MTO1: variants seen among roughly 807,000 people sequenced by gnomAD.
The protein encoded by MTO1 is 5-taurinomethyluridine-[tRNA] synthase subunit MTO1, mitochondrial.
MTO1 carries 46 observed loss-of-function variants against 71.6 expected under a neutral mutation model. The ratio of observed to expected loss-of-function variants is 0.64; its 90% CI spans 0.51 to 0.82. MTO1 has a LOEUF of 0.82. MTO1 is among the 40% of genes least tolerant of loss of function. The probability of loss-of-function intolerance (pLI) is 0.00; values close to 1 mark genes in which losing one functional copy is unlikely to be tolerated. For synonymous variants in MTO1, 297 were observed against 312.1 expected, an observed-to-expected ratio of 0.95 and a Z score of 0.51; for missense variants, 773 against 867.5, an observed-to-expected ratio of 0.89 and a Z score of 1.37.
intron 9 of MTO1, among the ~76,000 whole-genome samples, chr6:73,484,022 A>G (rs143854122): frequency 0.011 from 1,597 of 151,966 alleles, 25 homozygotes; most frequent in African/African-American, 0.036. Flanking sequence ...TAAGTGATCC[A>G]CCTGCCTTGG....
rs568735774 is a variant in MTO1, at chr6:73,499,079, A to AT, written c.1917+1193dup. Among the ~76,000 whole-genome samples the AT allele has an allele frequency of 3.4e-4, 50 of 148,964 alleles. No homozygotes were observed. The East Asian group carries it at 5.1e-3, about 15-fold the overall frequency. ...GATGGTGTGTCACAGTTTAATGGACATTTTTTTTTTAGTAGTGTTTCATAA... is the reference window on the plus strand; with the variant it reads ...GATGGTGTGTCACAGTTTAATGGACATTTTTTTTTTTAGTAGTGTTTCATAA... On this transcript the variant is annotated intron_variant, in intron 11 of 11. Coordinates refer to ENST00000498286, the MANE Select transcript of MTO1 (RefSeq NM_012123.4).
rs547100392 is a variant in MTO1 at position 73,462,271 on chromosome 6, A to G, written c.217+200A>G. On this transcript the variant is annotated intron_variant, in intron 1 of 11. Coordinates refer to ENST00000498286, the MANE Select transcript of MTO1 (RefSeq NM_012123.4). ...TCTATATTAGTCTATTCTGCGAACC[A>G]TAGATTATGCTGCTGCTGACAGTCG... The G allele has an allele frequency of 1.0e-4, 63 of 615,972 alleles. No individual in the cohort carries two copies. The East Asian group carries it at 1.8e-3, about 17-fold the overall frequency. The allele number at this position is 615,972 out of a possible 1,614,324, so 38.2% of individuals were successfully genotyped here.
Position 73,468,355 on chromosome 6 carries a change from G to A in MTO1, c.535+1749G>A, listed in dbSNP as rs1238244866. Among the ~76,000 whole-genome samples, 4 of 152,096 alleles carry A rather than the reference G, an allele frequency of 2.6e-5. No individual in the cohort carries two copies. In the East Asian group the frequency reaches 7.7e-4, roughly 29 times the overall value. ...GCTGGTCTTGAACTCCTGACCTCAA[G>A]CGATCCGCCCACCTCAGCGTCTGAA... On this transcript the variant is annotated intron_variant, in intron 3 of 11. Coordinates refer to ENST00000498286, the MANE Select transcript of MTO1 (RefSeq NM_012123.4).
chr6:73,491,297 T>C (rs1483690418), intron 9 of MTO1, among the ~76,000 whole-genome samples: 1 of 149,560 alleles, frequency 6.7e-6, no homozygotes, highest in Non-Finnish European at 1.5e-5. Context: ...AGAATATTTA[T>C]GAACCAGCCG....
intron 3 of MTO1, among the ~76,000 whole-genome samples, chr6:73,467,208 A>G (rs1381439414): frequency 3.3e-5 from 5 of 152,160 alleles, no homozygotes; most frequent in East Asian, 3.9e-4. Context: ...CAGCTACTCA[A>G]TAAGCTGAAG....
Position 73,501,792 on chromosome 6 carries a change from A to G in MTO1, c.*1057A>G, listed in dbSNP as rs951850031. On this transcript the variant is annotated 3_prime_UTR_variant, in exon 12 of 12. Transcript: ENST00000498286. ...GAAGCTCCCGTGTCACCTTCGGGCC[A>G]AAGCAGGTACTCAGGAGAGTTCTAA... The G allele has an allele frequency of 1.3e-5, 2 of 152,218 alleles. No individual in the cohort carries two copies. The highest frequency in any genetic ancestry group is 4.8e-5 in the African/African-American group (2 of 41,440). 9.4% of individuals were successfully genotyped at this position (152,218 alleles called of 1,614,324 possible).
chr6:73,487,432 C>A (rs779422557), intron 9 of MTO1, among the ~76,000 whole-genome samples: 1 of 151,632 alleles, frequency 6.6e-6, no homozygotes, highest in Non-Finnish European at 1.5e-5. Flanking sequence ...CCACCTGCCT[C>A]GGCCTCCCAA....
At chr6:73,466,695 G>C in intron 3 of MTO1, 89 bp downstream of exon 3, 1 of 1,138,228 alleles carries the variant, frequency 8.8e-7, no homozygotes, top group South Asian at 1.3e-5. Flanking sequence ...GAGATATGTT[G>C]CTTATTCAAG....
intron 3 of MTO1, chr6:73,471,588 ATT>A: frequency 3.3e-6 from 1 of 306,812 alleles, no homozygotes; most frequent in Non-Finnish European, 6.3e-6. Context: ...CTAATTTATT[ATT>A]TTTTTTTGTA....
At position 73,480,334 on chromosome 6, in the gene MTO1, G is replaced by A. The variant is rs1229490840; in HGVS notation, c.1129+208G>A. ...GTTGCCCAGGATGGAGTGCAATGGT[G>A]CGATCTCGGCTCACCACAACCTCCC... On this transcript the variant is annotated intron_variant, in intron 6 of 11. Transcript: ENST00000498286. 3 of 703,690 alleles carry A rather than the reference G, an allele frequency of 4.3e-6. No individual in the cohort carries two copies. In the African/African-American group the frequency reaches 5.3e-5, roughly 12 times the overall value. 43.6% of individuals were successfully genotyped at this position (703,690 alleles called of 1,614,324 possible).
chr6:73,501,110 G>GT lies in MTO1; in HGVS notation c.*377dup. The GT allele has an allele frequency of 6.4e-6, 1 of 156,290 alleles. No homozygotes were observed. The highest frequency in any genetic ancestry group is 1.4e-5 in the Non-Finnish European group (1 of 70,966). The allele number at this position is 156,290 out of a possible 1,614,324, so 9.7% of individuals were successfully genotyped here. Reference sequence around the variant, plus strand: ...TCTTATCATTCAGCGTGTTTTGAGAGTTAATAATCTTTTGCTTGGTTATAC... The same window carrying GT: ...TCTTATCATTCAGCGTGTTTTGAGAGTTTAATAATCTTTTGCTTGGTTATAC... On this transcript the variant is annotated 3_prime_UTR_variant, in exon 12 of 12. Coordinates refer to ENST00000498286, the MANE Select transcript of MTO1 (RefSeq NM_012123.4).
chr6:73,474,824 C>A (rs1289582728), intron 4 of MTO1, among the ~76,000 whole-genome samples: 1 of 151,170 alleles, frequency 6.6e-6, no homozygotes, highest in Non-Finnish European at 1.5e-5. Flanking sequence ...GGCGCAATCT[C>A]GGCTTACTGC....
chr6:73,475,389 T>G (rs954280751), intron 4 of MTO1, among the ~76,000 whole-genome samples: 1 of 152,004 alleles, frequency 6.6e-6, no homozygotes, highest in Non-Finnish European at 1.5e-5. Flanking sequence ...TTCAAGCAAT[T>G]CTCCTGCCTC....
chr6:73,472,894 G>C (rs182478700), intron 3 of MTO1, among the ~76,000 whole-genome samples: 1 of 152,232 alleles, frequency 6.6e-6, no homozygotes, highest in East Asian at 1.9e-4. Flanking sequence ...TATTAAAAAA[G>C]ATTCTCAAGT....
At chr6:73,467,984 C>A (rs1294661181) in intron 3 of MTO1, among the ~76,000 whole-genome samples, 1 of 151,800 alleles carries the variant, frequency 6.6e-6, no homozygotes, top group Non-Finnish European at 1.5e-5. Context: ...CCATGCCCAG[C>A]TAATTTTTGT....
chr6:73,466,720 T>G, intron 3 of MTO1, 114 bp downstream of exon 3: 1 of 860,552 alleles, frequency 1.2e-6, no homozygotes, highest in Non-Finnish European at 1.9e-6. Flanking sequence ...TTGTTGCATT[T>G]TCTCTACCTG....
chr6:73,492,995 T>TGTGTGTGTGTGTGTGTGTA (rs540252865), intron 10 of MTO1, among the ~76,000 whole-genome samples: 9 of 73,308 alleles, frequency 1.2e-4, no homozygotes, highest in African/African-American at 4.3e-4. Flanking sequence ...TGTGTGTGTA[T>TGTGTGTGTGTGTGTGTGTA]TTTTTTTTTT....
chr6:73,482,381 C>T lies in MTO1; in HGVS notation c.1466-68C>T, dbSNP rs190000320. The T allele has an allele frequency of 5.6e-4, 859 of 1,545,382 alleles. 7 individuals carry two copies. In the African/African-American group the frequency reaches 9.2e-3, roughly 17 times the overall value. On this transcript the variant is annotated intron_variant, in intron 8 of 11. Transcript: ENST00000498286. Reference sequence around the variant, plus strand: ...CTAGCCTGGGCAACATAGTGAGACACTGTCTCTACAAAAAAATTTGCTTTA... The same window carrying T: ...CTAGCCTGGGCAACATAGTGAGACATTGTCTCTACAAAAAAATTTGCTTTA...
At chr6:73,470,995 C>G (rs1326512591) in intron 3 of MTO1, among the ~76,000 whole-genome samples, 1 of 152,042 alleles carries the variant, frequency 6.6e-6, no homozygotes, top group Non-Finnish European at 1.5e-5. Context: ...ACTTTGTCCC[C>G]TCAACCAGCC....
Sources: allele counts gnomAD v4.1 joint callset (sites outside exome capture counted in the v4.1 genomes callset), GRCh38; gene constraint gnomAD v4.1.1; transcripts MANE v1.5; gene names NCBI Gene and HGNC (gene_info 2026-07-23, HGNC 2026-07-21).